The following KHDRBS2 variants were observed in gnomAD, a reference collection of about 807,000 sequenced individuals.
The protein encoded by KHDRBS2 is KH domain-containing, RNA-binding, signal transduction-associated protein 2.
A neutral mutation model predicts 44.3 loss-of-function variants in KHDRBS2; 26 were observed. The ratio of observed to expected loss-of-function variants is 0.59; its 90% CI spans 0.43 to 0.81. The LOEUF is 0.81. Among genes scored for constraint, KHDRBS2 ranks in the 40% least tolerant of loss-of-function variants. The pLI is 0.00. For missense variants in KHDRBS2, 476 were observed against 433.1 expected, an observed-to-expected ratio of 1.10 and a Z score of -0.88; for synonymous variants, 194 against 151.1, an observed-to-expected ratio of 1.28 and a Z score of -2.08.
the KHDRBS2 span, among the ~76,000 whole-genome samples, chr6:61,645,355 T>C: frequency 6.6e-6 from 1 of 151,972 alleles, no homozygotes; most frequent in Admixed American, 6.6e-5. Flanking sequence ...GAAAACTAAC[T>C]ATTGGGTACT....
At chr6:62,066,492 A>C (rs541688746) in intron 2 of KHDRBS2, among the ~76,000 whole-genome samples, 2 of 151,666 alleles carry the variant, frequency 1.3e-5, no homozygotes, top group Non-Finnish European at 3.0e-5. Flanking sequence ...CAGATTTTTC[A>C]TTATTGCATG....
At chr6:61,945,099 A>ATATAT (rs1562489783) in intron 4 of KHDRBS2, among the ~76,000 whole-genome samples, 1 of 67,944 alleles carries the variant, frequency 1.5e-5, no homozygotes, top group Non-Finnish European at 2.8e-5. Context: ...TTAAAAAAAA[A>ATATAT]AAAAAAAAAA....
At position 62,286,017 on chromosome 6, in the gene KHDRBS2, G is replaced by A. The variant is rs1842449336; in HGVS notation, c.-69C>T. The stretch of plus-strand genomic sequence containing the variant: ...CTCGCTCGGACGCAGGCAGGGTCTT[G>A]GGGCAGCGCCTGGCTCCCGCGCTGC... On this transcript the variant is annotated 5_prime_UTR_variant, in exon 1 of 9. Coordinates refer to ENST00000281156, the MANE Select transcript of KHDRBS2 (RefSeq NM_152688.4). 1.1e-6 allele frequency: 1 copy of A among 941,986 alleles called. No homozygotes were observed. The highest frequency in any genetic ancestry group is 2.6e-5 in the East Asian group (1 of 38,754). 58.4% of individuals were successfully genotyped at this position (941,986 alleles called of 1,614,324 possible).
chr6:62,201,834 T>C (rs555119715), intron 1 of KHDRBS2, among the ~76,000 whole-genome samples: 2 of 152,096 alleles, frequency 1.3e-5, no homozygotes, highest in South Asian at 2.1e-4. Context: ...GACATGACAA[T>C]AGACATGTCA....
chr6:61,596,014 G>A, the KHDRBS2 span, among the ~76,000 whole-genome samples: 1 of 152,142 alleles, frequency 6.6e-6, no homozygotes, highest in Non-Finnish European at 1.5e-5. Flanking sequence ...ACCCACCTGG[G>A]TTCTGAATTC....
At chr6:61,619,521 C>T in the KHDRBS2 span, among the ~76,000 whole-genome samples, 2 of 152,128 alleles carry the variant, frequency 1.3e-5, no homozygotes, top group African/African-American at 4.8e-5. Flanking sequence ...ATGGTGCAAC[C>T]TCAGCTCACT....
chr6:61,841,347 A>G (rs901588563), intron 6 of KHDRBS2, among the ~76,000 whole-genome samples: 1 of 152,170 alleles, frequency 6.6e-6, no homozygotes, highest in African/African-American at 2.4e-5. Context: ...TTTTGGGTAC[A>G]TACTTCTTGA....
chr6:62,211,796 C>T (rs1291322404), intron 1 of KHDRBS2, among the ~76,000 whole-genome samples: 1 of 152,106 alleles, frequency 6.6e-6, no homozygotes, highest in Non-Finnish European at 1.5e-5. Flanking sequence ...CCCACCAATT[C>T]TATTTCTGGG....
intron 4 of KHDRBS2, among the ~76,000 whole-genome samples, chr6:61,955,310 G>C (rs1180996613): frequency 1.4e-5 from 2 of 142,758 alleles, no homozygotes; most frequent in African/African-American, 2.6e-5. Flanking sequence ...ACATATATAT[G>C]TATACATATA....
At chr6:62,223,427 G>A (rs1277979691) in intron 1 of KHDRBS2, among the ~76,000 whole-genome samples, 1 of 152,198 alleles carries the variant, frequency 6.6e-6, no homozygotes, top group Non-Finnish European at 1.5e-5. Flanking sequence ...CCTGTGATGG[G>A]AGGGGCTGCC....
chr6:62,144,696 C>G (rs1282786109), intron 2 of KHDRBS2, among the ~76,000 whole-genome samples: 1 of 151,854 alleles, frequency 6.6e-6, no homozygotes, highest in East Asian at 1.9e-4. Context: ...TAACATCTAA[C>G]CTAACAGCTC....
At chr6:61,938,441 C>T (rs1160963232) in intron 4 of KHDRBS2, among the ~76,000 whole-genome samples, 1 of 152,066 alleles carries the variant, frequency 6.6e-6, no homozygotes, top group Non-Finnish European at 1.5e-5. Flanking sequence ...ATATCACTGG[C>T]CTTGAGCAGG....
At chr6:61,896,435 C>T (rs1259082538) in intron 5 of KHDRBS2, among the ~76,000 whole-genome samples, 1 of 151,818 alleles carries the variant, frequency 6.6e-6, no homozygotes, top group Non-Finnish European at 1.5e-5. Flanking sequence ...TATAGTACTT[C>T]CTTCTGCTCT....
chr6:61,918,904 T>C (rs142510986), intron 4 of KHDRBS2, among the ~76,000 whole-genome samples: 49 of 152,088 alleles, frequency 3.2e-4, no homozygotes, highest in Non-Finnish European at 2.2e-4. Flanking sequence ...TTAGATAGGC[T>C]GCTTTTTAGG....
At chr6:61,856,549 CT>C (rs368682594) in intron 6 of KHDRBS2, among the ~76,000 whole-genome samples, 23,884 of 146,788 alleles carry the variant, frequency 0.16, 2,453 homozygotes, top group South Asian at 0.24. Flanking sequence ...ATTATGATTG[CT>C]TTTTTTTTTT....
At chr6:61,979,745 C>A (rs1773455962) in intron 3 of KHDRBS2, among the ~76,000 whole-genome samples, 1 of 152,114 alleles carries the variant, frequency 6.6e-6, no homozygotes, top group South Asian at 2.1e-4. Context: ...CAACACTACA[C>A]TGAATGAAAA....
intron 6 of KHDRBS2, among the ~76,000 whole-genome samples, chr6:61,845,435 G>A (rs1794255270): frequency 6.6e-6 from 1 of 150,752 alleles, no homozygotes; most frequent in Non-Finnish European, 1.5e-5. Flanking sequence ...TCAGCCTCCC[G>A]AGTAGCTGGG....
intron 4 of KHDRBS2, among the ~76,000 whole-genome samples, chr6:61,954,040 C>G (rs1299426753): frequency 2.6e-5 from 4 of 152,118 alleles, no homozygotes. Context: ...AATGTTGCCA[C>G]AAAATCAAGG....
At chr6:62,117,374 A>G (rs1279373740) in intron 2 of KHDRBS2, among the ~76,000 whole-genome samples, 1 of 152,142 alleles carries the variant, frequency 6.6e-6, no homozygotes, top group Non-Finnish European at 1.5e-5. Flanking sequence ...TAATTGTCAC[A>G]TACCTGTTGA....
Sources: gnomAD v4.1 joint callset for allele counts (sites outside exome capture counted in the v4.1 genomes callset) on GRCh38, gnomAD v4.1.1 for gene constraint, MANE v1.5 for transcripts, NCBI Gene and HGNC (gene_info 2026-07-23, HGNC 2026-07-21) for gene names.